The following ERBB4 variants were observed in gnomAD, a reference collection of about 807,000 sequenced individuals.
The protein encoded by ERBB4 is erb-b2 receptor tyrosine kinase 4.
A neutral mutation model predicts 158.0 loss-of-function variants in ERBB4; 42 were observed. The ratio of observed to expected loss-of-function variants is 0.27; its 90% CI spans 0.21 to 0.34. The LOEUF is 0.34. Ranked by LOEUF, ERBB4 falls within the 10% of genes least tolerant of loss-of-function variation. The probability of loss-of-function intolerance (pLI) is 1.00; values close to 1 mark genes in which losing one functional copy is unlikely to be tolerated. For missense variants in ERBB4, 1,333 were observed against 1,624.1 expected (o/e 0.82, Z 3.08); for synonymous variants, 583 against 558.7 (o/e 1.04, Z -0.61).
At chr2:212,376,109 C>T (rs1026028768) in intron 1 of ERBB4, among the ~76,000 whole-genome samples, 15 of 152,186 alleles carry the variant, frequency 9.9e-5, no homozygotes, top group South Asian at 4.1e-4. Flanking sequence ...GTTGAGCTTA[C>T]GCAATTCTGA....
intron 1 of ERBB4, among the ~76,000 whole-genome samples, chr2:212,193,188 G>T (rs2105883474): frequency 6.6e-6 from 1 of 152,250 alleles, no homozygotes. Flanking sequence ...TAACTCCAGG[G>T]TGCTTTTACT....
chr2:212,149,213 T>C (rs2080787426), intron 1 of ERBB4, among the ~76,000 whole-genome samples: 1 of 152,048 alleles, frequency 6.6e-6, no homozygotes, highest in Admixed American at 6.6e-5. Context: ...TTCACATACA[T>C]GAGATTTGGA....
chr2:212,226,898 C>T (rs2083490226), intron 1 of ERBB4, among the ~76,000 whole-genome samples: 1 of 152,036 alleles, frequency 6.6e-6, no homozygotes, highest in Admixed American at 6.6e-5. Flanking sequence ...TGTGGATTTC[C>T]ATTAATATGA....
intron 1 of ERBB4, among the ~76,000 whole-genome samples, chr2:212,270,761 A>G (rs1318841983): frequency 6.6e-6 from 1 of 151,752 alleles, no homozygotes; most frequent in African/African-American, 2.4e-5. Context: ...AGGTCTGTTC[A>G]GGGAGAGAGA....
intron 1 of ERBB4, among the ~76,000 whole-genome samples, chr2:212,239,268 C>A (rs558982862): frequency 6.6e-6 from 1 of 152,242 alleles, no homozygotes; most frequent in African/African-American, 2.4e-5. Flanking sequence ...GTCTCAAACT[C>A]CTGGGCTCAA....
chr2:211,387,242 C>G (rs943210676), intron 26 of ERBB4, 92 bp from the exon 27 acceptor site: 4 of 1,061,986 alleles, frequency 3.8e-6, no homozygotes, highest in Non-Finnish European at 5.9e-6. Context: ...CAAAGCCAGT[C>G]TTTCAGAGAA....
intron 1 of ERBB4, among the ~76,000 whole-genome samples, chr2:212,222,360 A>G (rs2083317544): frequency 6.6e-6 from 1 of 151,610 alleles, no homozygotes; most frequent in South Asian, 2.1e-4. Context: ...AAAATTACAC[A>G]GTATATGAAT....
chr2:212,054,995 G>C (rs1307423511), intron 2 of ERBB4, among the ~76,000 whole-genome samples: 1 of 152,054 alleles, frequency 6.6e-6, no homozygotes, highest in African/African-American at 2.4e-5. Flanking sequence ...GCCAAAGTAG[G>C]GTGAGGTATC....
intron 1 of ERBB4, among the ~76,000 whole-genome samples, chr2:212,282,532 A>G (rs1204260025): frequency 6.6e-6 from 1 of 151,938 alleles, no homozygotes; most frequent in Non-Finnish European, 1.5e-5. Flanking sequence ...TGTCCATCAT[A>G]TTTATTTCAT....
intron 3 of ERBB4, among the ~76,000 whole-genome samples, chr2:211,934,772 T>C (rs1034255517): frequency 1.3e-5 from 2 of 151,902 alleles, no homozygotes; most frequent in Admixed American, 6.6e-5. Flanking sequence ...TTTATTATTT[T>C]AGTTCCCTGT....
chr2:211,793,341 T>C (rs2076317290), intron 3 of ERBB4, among the ~76,000 whole-genome samples: 1 of 151,902 alleles, frequency 6.6e-6, no homozygotes, highest in African/African-American at 2.4e-5. Context: ...ATCTAAGTAT[T>C]TTGTTTTGCA....
At chr2:211,542,253 T>C (rs4411634) in intron 20 of ERBB4, among the ~76,000 whole-genome samples, 103,663 of 151,856 alleles carry the variant, frequency 0.68, 35,812 homozygotes, top group East Asian at 0.84. Context: ...AGTGCCAGAC[T>C]GCTTGAGCAT....
rs927972412 is a variant in ERBB4, at chr2:211,576,798, C to T, written c.2302-14710G>A. ...ATAACTCTTTCAAGAGAGAAATTAC[C>T]TTCTAACTTAAAAAACTGAATGCAA... On this transcript the variant is annotated intron_variant, in intron 19 of 27. Transcript: ENST00000342788. Among the ~76,000 whole-genome samples, 90 of 151,972 alleles carry T rather than the reference C, an allele frequency of 5.9e-4. 1 individual carries two copies. Among genetic ancestry groups the T allele is most frequent in the African/African-American group, 1.8e-3 (74 of 41,474 alleles).
intron 2 of ERBB4, among the ~76,000 whole-genome samples, chr2:212,077,106 C>T (rs2078297989): frequency 6.6e-6 from 1 of 151,952 alleles, no homozygotes; most frequent in African/African-American, 2.4e-5. Flanking sequence ...AACACACCTA[C>T]TATACTATGT....
At chr2:211,669,164 C>T (rs747406695) in intron 14 of ERBB4, among the ~76,000 whole-genome samples, 17 of 136,252 alleles carry the variant, frequency 1.2e-4, no homozygotes, top group Non-Finnish European at 2.0e-4. Context: ...CAGAGGTTGC[C>T]GTGAGCTGAG....
intron 12 of ERBB4, among the ~76,000 whole-genome samples, chr2:211,681,996 T>C (rs2072356291): frequency 2.0e-5 from 3 of 151,762 alleles, no homozygotes; most frequent in Non-Finnish European, 2.9e-5. Flanking sequence ...CATATGGTAC[T>C]GTATTAGTCA....
At chr2:211,962,781 G>A (rs2081213340) in intron 2 of ERBB4, among the ~76,000 whole-genome samples, 1 of 152,042 alleles carries the variant, frequency 6.6e-6, no homozygotes, top group African/African-American at 2.4e-5. Flanking sequence ...TGGGAATTGA[G>A]GAAGAACAAG....
At chr2:211,746,827 CA>C (rs11332306) in intron 5 of ERBB4, among the ~76,000 whole-genome samples, 45,832 of 105,760 alleles carry the variant, frequency 0.43, 7,474 homozygotes, top group South Asian at 0.55. Context: ...GAGACTGTCT[CA>C]AAAAAAAAAA....
intron 20 of ERBB4, among the ~76,000 whole-genome samples, chr2:211,434,873 T>G (rs568294660): frequency 6.6e-6 from 1 of 152,364 alleles, no homozygotes; most frequent in East Asian, 1.9e-4. Flanking sequence ...TTTGTAACTA[T>G]GAAACATCAT....
Sources: allele counts gnomAD v4.1 joint callset (sites outside exome capture counted in the v4.1 genomes callset), GRCh38; gene constraint gnomAD v4.1.1; transcripts MANE v1.5; gene names NCBI Gene and HGNC (gene_info 2026-07-23, HGNC 2026-07-21).